SLC41A2: variants seen among roughly 807,000 people sequenced by gnomAD.
SLC41A2 encodes the protein solute carrier family 41 member 2.
In SLC41A2, 32 loss-of-function variants were observed where a neutral mutation model predicts 58.3. The ratio of observed to expected loss-of-function variants is 0.55; its 90% CI spans 0.41 to 0.74. The LOEUF is 0.74. Among genes scored for constraint, SLC41A2 ranks in the 30% least tolerant of loss-of-function variants. The probability of loss-of-function intolerance (pLI) is 0.00; values close to 1 mark genes in which losing one functional copy is unlikely to be tolerated. For missense variants in SLC41A2, 514 were observed against 680.6 expected (o/e 0.76, Z 2.72); for synonymous variants, 190 against 235.0 (o/e 0.81, Z 1.75).
chr12:104,921,340 T>C (rs1401506789), intron 2 of SLC41A2, among the ~76,000 whole-genome samples: 1 of 151,548 alleles, frequency 6.6e-6, no homozygotes, highest in African/African-American at 2.4e-5. Context: ...AATAATAAAA[T>C]CTCAAAAGTC....
intron 6 of SLC41A2, among the ~76,000 whole-genome samples, chr12:104,885,899 T>C (rs1257252070): frequency 6.6e-6 from 1 of 152,120 alleles, no homozygotes; most frequent in African/African-American, 2.4e-5. Flanking sequence ...TATTCTGAGA[T>C]GGTTCTATAC....
intron 8 of SLC41A2, among the ~76,000 whole-genome samples, chr12:104,851,085 TG>T (rs1230375301): frequency 6.6e-6 from 1 of 152,188 alleles, no homozygotes; most frequent in East Asian, 1.9e-4. Context: ...CTCATAAGGA[TG>T]CTGAGAGAAT....
At chr12:104,908,115 A>C (rs745816964) in intron 3 of SLC41A2, among the ~76,000 whole-genome samples, 2 of 152,098 alleles carry the variant, frequency 1.3e-5, no homozygotes, top group Non-Finnish European at 2.9e-5. Flanking sequence ...AACTACAAAA[A>C]TTAACTGGGC....
At chr12:104,839,284 C>A (rs181197628) in intron 10 of SLC41A2, among the ~76,000 whole-genome samples, 6 of 152,068 alleles carry the variant, frequency 3.9e-5, no homozygotes, top group Non-Finnish European at 7.4e-5. Context: ...CACTGGGATA[C>A]TTTATAGCAG....
At chr12:104,898,851 C>T (rs977021316) in intron 3 of SLC41A2, among the ~76,000 whole-genome samples, 3 of 152,138 alleles carry the variant, frequency 2.0e-5, no homozygotes, top group Non-Finnish European at 2.9e-5. Context: ...CCAAAGAAGA[C>T]ATACAAATGG....
At chr12:104,898,427 A>G (rs1319282936) in intron 3 of SLC41A2, among the ~76,000 whole-genome samples, 2 of 152,154 alleles carry the variant, frequency 1.3e-5, no homozygotes, top group African/African-American at 4.8e-5. Context: ...ATTTATAAAT[A>G]TAGCCACTAC....
chr12:104,926,336 C>T (rs2046839312), intron 2 of SLC41A2, among the ~76,000 whole-genome samples: 2 of 152,302 alleles, frequency 1.3e-5, no homozygotes, highest in African/African-American at 4.8e-5. Flanking sequence ...CATGGTGGGT[C>T]ATGCCTGTAA....
intron 5 of SLC41A2, 103 bp from the exon 6 acceptor site, chr12:104,886,542 GT>G: frequency 1.6e-6 from 2 of 1,214,688 alleles, no homozygotes; most frequent in Non-Finnish European, 2.3e-6. Flanking sequence ...ATCAATTCCA[GT>G]TAGACTGCTT....
rs892963618 is a variant in SLC41A2, at chr12:104,801,851, A to G, written c.*3301T>C. Among the ~76,000 whole-genome samples the G allele has an allele frequency of 6.6e-6, 1 of 152,228 alleles. No individual in the cohort carries two copies. The highest frequency in any genetic ancestry group is 1.5e-5 in the Non-Finnish European group (1 of 68,034). The stretch of plus-strand genomic sequence containing the variant: ...ATTCATAAATATCATATGTATACAT[A>G]AATTACCCCAGTCTCTTCTGGGAGA... On this transcript the variant is annotated 3_prime_UTR_variant, in exon 11 of 11. Coordinates refer to ENST00000258538, the MANE Select transcript of SLC41A2 (RefSeq NM_001352171.3).
At chr12:104,846,626 A>G (rs1216601078) in intron 8 of SLC41A2, among the ~76,000 whole-genome samples, 1 of 152,222 alleles carries the variant, frequency 6.6e-6, no homozygotes, top group Non-Finnish European at 1.5e-5. Flanking sequence ...GAGAATCTCA[A>G]ACTCCATCCC....
chr12:104,863,565 T>C (rs1280313830), intron 7 of SLC41A2, among the ~76,000 whole-genome samples: 3 of 152,228 alleles, frequency 2.0e-5, no homozygotes, highest in Non-Finnish European at 4.4e-5. Flanking sequence ...TCTTATGGCA[T>C]TTAGTTTTTC....
rs146837431 is a variant in SLC41A2 at position 104,926,582 on chromosome 12, C to T, written c.555+1391G>A. On this transcript the variant is annotated intron_variant, in intron 2 of 10. Transcript: ENST00000258538. The stretch of plus-strand genomic sequence containing the variant: ...CAGCCTGGGTGACAAAGCTAGACTG[C>T]GCCTTAAAAAAAATAAAAAAAAAAA... Among the ~76,000 whole-genome samples, 1,173 of 148,282 alleles carry T rather than the reference C, an allele frequency of 7.9e-3. 14 individuals are homozygous for T. The highest frequency in any genetic ancestry group is 0.027 in the African/African-American group (1,078 of 39,810).
intron 1 of SLC41A2, among the ~76,000 whole-genome samples, chr12:104,947,689 A>G (rs2047782088): frequency 6.6e-6 from 1 of 152,152 alleles, no homozygotes; most frequent in Non-Finnish European, 1.5e-5. Flanking sequence ...AATACATACT[A>G]AACGGTACAT....
intron 10 of SLC41A2, among the ~76,000 whole-genome samples, chr12:104,818,001 T>G (rs1592929155): frequency 6.6e-6 from 1 of 152,292 alleles, no homozygotes; most frequent in East Asian, 1.9e-4. Flanking sequence ...CACAAAAAAA[T>G]GATAATTTTG....
chr12:104,884,235 G>A (rs1239080783), intron 6 of SLC41A2, among the ~76,000 whole-genome samples: 2 of 152,276 alleles, frequency 1.3e-5, no homozygotes, highest in Non-Finnish European at 2.9e-5. Flanking sequence ...CAATTTTCCA[G>A]GTACCATCTG....
At chr12:104,821,645 A>G (rs1441823539) in intron 10 of SLC41A2, among the ~76,000 whole-genome samples, 3 of 152,240 alleles carry the variant, frequency 2.0e-5, no homozygotes, top group Non-Finnish European at 4.4e-5. Flanking sequence ...CTAAAACTTA[A>G]AAACATGTTG....
chr12:104,904,592 G>GT (rs1302468333), intron 3 of SLC41A2, among the ~76,000 whole-genome samples: 2 of 92,564 alleles, frequency 2.2e-5, no homozygotes, highest in Non-Finnish European at 4.9e-5. Context: ...GACCCTCGCA[G>GT]TGAGTGTTAC....
At chr12:104,958,381 GGGA>G (rs2048257844), upstream of SLC41A2, 1 of 149,696 alleles carries the variant, frequency 6.7e-6, no homozygotes, top group Non-Finnish European at 1.5e-5. Context: ...GCCGCCGCCG[GGGA>G]AGCCCGGGCC....
chr12:104,826,351 G>A (rs115088891), intron 10 of SLC41A2, among the ~76,000 whole-genome samples: 6,665 of 152,292 alleles, frequency 0.044, 248 homozygotes, highest in East Asian at 0.12. Context: ...TGCGAGGACA[G>A]ATGGTCTGAG....
Sources: gnomAD v4.1 joint callset for allele counts (sites outside exome capture counted in the v4.1 genomes callset) on GRCh38, gnomAD v4.1.1 for gene constraint, MANE v1.5 for transcripts, NCBI Gene and HGNC (gene_info 2026-07-23, HGNC 2026-07-21) for gene names.